Variants in RGS7 observed in about 807,000 individuals in gnomAD.
RGS7 encodes regulator of G protein signaling 7.
In RGS7, 27 loss-of-function variants were observed where a neutral mutation model predicts 81.1. That is an observed-to-expected ratio of 0.33 (90% CI 0.25 to 0.46). The LOEUF is 0.46. Among genes scored for constraint, RGS7 ranks in the 20% least tolerant of loss-of-function variants. The probability of loss-of-function intolerance (pLI) is 1.00; values close to 1 mark genes in which losing one functional copy is unlikely to be tolerated. For synonymous variants in RGS7, 208 were observed against 207.7 expected (o/e 1.00, Z -0.01); for missense variants, 396 against 607.4 (o/e 0.65, Z 3.66).
intron 2 of RGS7, among the ~76,000 whole-genome samples, chr1:241,220,578 T>A (rs1357339524): frequency 6.6e-6 from 1 of 152,138 alleles, no homozygotes; most frequent in African/African-American, 2.4e-5. Context: ...TCCTAGGCTG[T>A]AATTATGTGG....
chr1:240,933,096 A>C lies in RGS7; in HGVS notation c.334-2328T>G, dbSNP rs549342609. Among the ~76,000 whole-genome samples, 13 of 149,430 alleles carry C rather than the reference A, an allele frequency of 8.7e-5. No homozygotes were observed. In the South Asian group the frequency reaches 1.7e-3, roughly 19 times the overall value. On this transcript the variant is annotated intron_variant, in intron 5 of 18. Coordinates refer to ENST00000440928, the MANE Select transcript of RGS7 (RefSeq NM_001364886.1). ...ACGGGGTTTCACCGTGTTAGCCAGG[A>C]TGGTCTCCATCTCCTGACCTCGTGA...
At chr1:240,887,894 A>G (rs1254065238) in intron 6 of RGS7, among the ~76,000 whole-genome samples, 1 of 152,148 alleles carries the variant, frequency 6.6e-6, no homozygotes, top group African/African-American at 2.4e-5. Context: ...AACGTTGCAT[A>G]CAATTAATCA....
chr1:241,229,356 A>T (rs896171755), intron 2 of RGS7, among the ~76,000 whole-genome samples: 9 of 152,172 alleles, frequency 5.9e-5, no homozygotes, highest in Non-Finnish European at 2.9e-5. Flanking sequence ...ACGGTAGTGA[A>T]ATCTCTAAAC....
At chr1:240,800,119 C>G (rs147108239) in intron 18 of RGS7, among the ~76,000 whole-genome samples, 3 of 152,214 alleles carry the variant, frequency 2.0e-5, no homozygotes, top group African/African-American at 7.2e-5. Context: ...ACACAGAGTA[C>G]CTCACATTAT....
intron 3 of RGS7, among the ~76,000 whole-genome samples, chr1:241,074,396 C>T (rs2062671878): frequency 6.6e-6 from 1 of 152,158 alleles, no homozygotes; most frequent in Admixed American, 6.6e-5. Context: ...GAGAAGGATA[C>T]TGAAGAGGGA....
intron 9 of RGS7, among the ~76,000 whole-genome samples, chr1:240,827,949 G>T (rs895588568): frequency 2.7e-5 from 4 of 149,662 alleles, no homozygotes; most frequent in Non-Finnish European, 4.4e-5. Flanking sequence ...ATGGCATTTA[G>T]TTGAGCCAGC....
chr1:240,929,581 G>A (rs1281996859), intron 6 of RGS7, among the ~76,000 whole-genome samples: 2 of 152,110 alleles, frequency 1.3e-5, no homozygotes, highest in Non-Finnish European at 2.9e-5. Context: ...ACACATGAGA[G>A]ATAGCTTTAT....
intron 2 of RGS7, among the ~76,000 whole-genome samples, chr1:241,306,780 C>T (rs1295720922): frequency 2.6e-5 from 4 of 152,102 alleles, no homozygotes; most frequent in Non-Finnish European, 5.9e-5. Flanking sequence ...TTTACACACA[C>T]ATCCTCACAC....
intron 2 of RGS7, among the ~76,000 whole-genome samples, chr1:241,260,209 C>A (rs1013101604): frequency 5.9e-5 from 9 of 152,178 alleles, no homozygotes; most frequent in Non-Finnish European, 2.9e-5. Flanking sequence ...CACAATTGTC[C>A]TATCAATTAC....
At chr1:241,088,787 A>G (rs1181615805) in intron 3 of RGS7, among the ~76,000 whole-genome samples, 1 of 151,866 alleles carries the variant, frequency 6.6e-6, no homozygotes, top group Non-Finnish European at 1.5e-5. Flanking sequence ...AGAGGTGGGC[A>G]GATCACGAGG....
At chr1:241,029,334 A>G (rs1356785418) in intron 3 of RGS7, among the ~76,000 whole-genome samples, 3 of 152,152 alleles carry the variant, frequency 2.0e-5, no homozygotes, top group Non-Finnish European at 4.4e-5. Context: ...TTAAAACCCC[A>G]TGTAATTATA....
intron 2 of RGS7, among the ~76,000 whole-genome samples, chr1:241,289,024 G>A (rs1209373520): frequency 6.6e-6 from 1 of 152,190 alleles, no homozygotes; most frequent in Non-Finnish European, 1.5e-5. Context: ...AAATGCCCAG[G>A]CTTTTGTTAC....
chr1:241,343,657 A>G (rs1484163403), intron 2 of RGS7, among the ~76,000 whole-genome samples: 2 of 152,222 alleles, frequency 1.3e-5, no homozygotes, highest in Non-Finnish European at 2.9e-5. Context: ...AGTTTATTTC[A>G]TAGGGACAGA....
At chr1:240,884,360 G>A (rs1666984502) in intron 6 of RGS7, among the ~76,000 whole-genome samples, 1 of 152,184 alleles carries the variant, frequency 6.6e-6, no homozygotes, top group Non-Finnish European at 1.5e-5. Context: ...AACTTATCCT[G>A]TATTTCCCCC....
rs1471104754 is a variant in RGS7, at chr1:240,847,092, C to A, written c.610-19920G>T. 2.0e-5 allele frequency among the ~76,000 whole-genome samples: 3 copies of A among 152,206 alleles called. No homozygotes were observed. The East Asian group carries it at 5.8e-4, about 29-fold the overall frequency. ...TATACGGCAATAGATAACTAATATA[C>A]TTAACCTTCAAACTTCAACTCCAAC... On this transcript the variant is annotated intron_variant, in intron 9 of 18. Coordinates refer to ENST00000440928, the MANE Select transcript of RGS7 (RefSeq NM_001364886.1).
At chr1:241,056,389 C>T (rs189020820) in intron 3 of RGS7, among the ~76,000 whole-genome samples, 1 of 152,300 alleles carries the variant, frequency 6.6e-6, no homozygotes, top group East Asian at 1.9e-4. Flanking sequence ...GTACCCATCT[C>T]ATCTCATTCA....
intron 9 of RGS7, among the ~76,000 whole-genome samples, chr1:240,834,916 C>CCACA (rs67071227): frequency 0.041 from 5,934 of 144,562 alleles, 138 homozygotes; most frequent in Non-Finnish European, 0.057. Context: ...ACCTTACACT[C>CCACA]CACACACACA....
At chr1:241,182,825 T>G (rs201372646) in intron 2 of RGS7, among the ~76,000 whole-genome samples, 1 of 149,882 alleles carries the variant, frequency 6.7e-6, no homozygotes, top group Non-Finnish European at 1.5e-5. Context: ...ATTTTTCGGT[T>G]TTTGTTTGTT....
At chr1:241,226,980 T>C (rs1157477943) in intron 2 of RGS7, among the ~76,000 whole-genome samples, 1 of 152,184 alleles carries the variant, frequency 6.6e-6, no homozygotes, top group Non-Finnish European at 1.5e-5. Flanking sequence ...GACCTTAAAA[T>C]GTATAAAAAT....
Sources: allele counts gnomAD v4.1 joint callset (sites outside exome capture counted in the v4.1 genomes callset), GRCh38; gene constraint gnomAD v4.1.1; transcripts MANE v1.5; gene names NCBI Gene and HGNC (gene_info 2026-07-23, HGNC 2026-07-21).